Variants in ABCB9 observed in about 807,000 individuals in gnomAD.
ABCB9 encodes ABC-type oligopeptide transporter ABCB9.
Under a neutral mutation model 62.0 loss-of-function variants are expected in ABCB9, and 36 were observed. That is an observed-to-expected ratio of 0.58 (90% CI 0.45 to 0.77). ABCB9 has a LOEUF of 0.77. Among genes scored for constraint, ABCB9 ranks in the 30% least tolerant of loss-of-function variants. The pLI is 0.00. For missense variants in ABCB9, 943 were observed against 1,054.7 expected, an observed-to-expected ratio of 0.89 and a Z score of 1.47; for synonymous variants, 435 against 461.4, an observed-to-expected ratio of 0.94 and a Z score of 0.73.
downstream of ABCB9, chr12:122,924,593 TG>T (rs769746648): frequency 2.1e-6 from 3 of 1,400,270 alleles, no homozygotes; most frequent in Non-Finnish European, 2.8e-6. Context: ...TTCTAGGCAC[TG>T]GGGAATACAG....
exon 12 of ABCB9, chr12:122,921,032 G>T: frequency 1.3e-6 from 2 of 1,535,316 alleles, no homozygotes; most frequent in Non-Finnish European, 1.7e-6. Flanking sequence ...TCTGCAGGCT[G>T]GTCATTCAGA....
rs904842753 is a variant in ABCB9 at position 122,929,482 on chromosome 12, C to G, written c.*429G>C. 3 of 993,132 alleles carry G rather than the reference C, an allele frequency of 3.0e-6. No homozygotes were observed. Among genetic ancestry groups the G allele is most frequent in the Non-Finnish European group, 3.6e-6 (3 of 835,060 alleles). 61.5% of individuals were successfully genotyped at this position (993,132 alleles called of 1,614,324 possible). A position where few individuals can be genotyped will look rare whatever the true frequency, so the allele number is the denominator to read the frequency against. ...AAAGGGGAGAGGCCTAGTCTCTGGA[C>G]ATCCCCCAGGCTACTAAGGAAGGGC... On this transcript the variant is annotated 3_prime_UTR_variant, in exon 12 of 12. Coordinates refer to ENST00000280560, the MANE Select transcript of ABCB9 (RefSeq NM_019625.4). The surrounding 1 kb of genome is among the most constrained non-coding windows in gnomAD (Gnocchi z 6.0).
chr12:122,958,620 C>T (rs2036734746), intron 2 of ABCB9, among the ~76,000 whole-genome samples: 1 of 152,172 alleles, frequency 6.6e-6, no homozygotes, highest in South Asian at 2.1e-4. Context: ...GGGAGGATCA[C>T]TTGAGCCCAG....
At chr12:122,924,430 T>TACCAGCTCAC, downstream of ABCB9, 2 of 312,790 alleles carry the variant, frequency 6.4e-6, no homozygotes, top group Admixed American at 4.3e-5. Context: ...AGTGGCACGA[T>TACCAGCTCAC]CATAGCCCAT....
chr12:122,940,243 C>T lies in ABCB9; in HGVS notation c.1611G>A (p.Leu537=), dbSNP rs767066912. ...TCTTCCCACTGCCCGAGGGCCCCAC[C>T]AGGGCCGTCACCTTGCCGGGGGACA... is the stretch of plus-strand genomic sequence containing the variant. ...FSLSPGKVTA[L]VGPSGSGKSS... The change falls in exon 9 of 12, where the codon CTG becomes CTA. Residue 537 remains leucine, a synonymous_variant. Transcript: ENST00000280560. This position sits in a 1 kb window ranked among gnomAD's most constrained non-coding sequence, Gnocchi z 4.8. 2 of 1,609,732 alleles carry T rather than the reference C, an allele frequency of 1.2e-6. No homozygotes were observed. The highest frequency in any genetic ancestry group is 1.7e-6 in the Non-Finnish European group (2 of 1,177,436).
chr12:122,974,248 C>T (rs1345609101), intron 1 of ABCB9, among the ~76,000 whole-genome samples: 1 of 152,082 alleles, frequency 6.6e-6, no homozygotes, highest in East Asian at 1.9e-4. Flanking sequence ...TGGATCCTTT[C>T]CTAGATAGCA....
downstream of ABCB9, among the ~76,000 whole-genome samples, chr12:122,928,198 G>A (rs1233922087): frequency 2.6e-5 from 4 of 152,158 alleles, no homozygotes; most frequent in African/African-American, 7.2e-5. Flanking sequence ...GGCCAGGCGC[G>A]GTGGCTCACG....
downstream of ABCB9, among the ~76,000 whole-genome samples, chr12:122,925,078 G>A (rs2034855965): frequency 6.6e-6 from 1 of 151,956 alleles, no homozygotes; most frequent in Non-Finnish European, 1.5e-5. Flanking sequence ...CACCATGCCC[G>A]GCTAGCAGTT....
chr12:122,923,441 C>T (rs1012602721), intron 11 of ABCB9, among the ~76,000 whole-genome samples: 1 of 152,190 alleles, frequency 6.6e-6, no homozygotes, highest in African/African-American at 2.4e-5. Flanking sequence ...CACCCGCCAC[C>T]ACGCCCGGCT....
chr12:122,947,563 G>A lies in ABCB9; in HGVS notation c.1053+1061C>T. ...CTGGGTGACTGTGAGGGGGTTGCCT[G>A]TACCTGTCACAGGGTCACAGCCCTG... On this transcript the variant is annotated intron_variant, in intron 5 of 11. Coordinates refer to ENST00000280560, the MANE Select transcript of ABCB9 (RefSeq NM_019625.4). The surrounding 1 kb of genome is among the most constrained non-coding windows in gnomAD (Gnocchi z 6.0). The A allele has an allele frequency of 2.3e-6, 1 of 427,910 alleles. No homozygotes were observed. The highest frequency in any genetic ancestry group is 1.6e-5 in the South Asian group (1 of 60,864). The allele number at this position is 427,910 out of a possible 1,614,324, so 26.5% of individuals were successfully genotyped here.
chr12:122,933,171 C>T (rs1345745793), intron 10 of ABCB9, among the ~76,000 whole-genome samples: 2 of 152,194 alleles, frequency 1.3e-5, no homozygotes, highest in East Asian at 1.9e-4. Flanking sequence ...GGATTACAGA[C>T]GTGAGCCACT....
chr12:122,920,686 C>G (rs57258703), downstream of ABCB9, among the ~76,000 whole-genome samples: 3,833 of 152,044 alleles, frequency 0.025, 152 homozygotes, highest in African/African-American at 0.086. Flanking sequence ...GGGAGGATCA[C>G]TTGAGGTCAG....
rs1484458506 is a variant in ABCB9 at position 122,960,286 on chromosome 12, G to C, written c.-51C>G. 2.5e-6 allele frequency: 4 copies of C among 1,574,794 alleles called. No homozygotes were observed. The highest frequency in any genetic ancestry group is 3.5e-6 in the Non-Finnish European group (4 of 1,159,056). ...CTGAAGGCCAGGTTGTAGCTCACGG[G>C]GGCAAGGCCATCATCATCCACAGGG... On this transcript the variant is annotated 5_prime_UTR_variant, in exon 2 of 12. Coordinates refer to ENST00000280560, the MANE Select transcript of ABCB9 (RefSeq NM_019625.4).
At chr12:122,958,085 G>A (rs1042698700) in intron 2 of ABCB9, among the ~76,000 whole-genome samples, 129 of 142,450 alleles carry the variant, frequency 9.1e-4, no homozygotes, top group African/African-American at 2.9e-3. Flanking sequence ...CAGGAGAATC[G>A]CTTGAACCCA....
chr12:122,950,438 T>C lies in ABCB9; in HGVS notation c.716+13A>G, dbSNP rs751693238. On this transcript the variant is annotated intron_variant, in intron 3 of 11. Coordinates refer to ENST00000280560, the MANE Select transcript of ABCB9 (RefSeq NM_019625.4). ...GGGTGTGCGGGGCAGGGCGTGGGGG[T>C]TGAGCCAGCTACCTGCCAATGGCCA... 3 of 1,604,004 alleles carry C rather than the reference T, an allele frequency of 1.9e-6. No homozygotes were observed. Among genetic ancestry groups the C allele is most frequent in the Non-Finnish European group, 2.5e-6 (3 of 1,176,824 alleles).
At chr12:122,919,239 A>G (rs1477722198), downstream of ABCB9, among the ~76,000 whole-genome samples, 2 of 152,044 alleles carry the variant, frequency 1.3e-5, no homozygotes, top group Non-Finnish European at 2.9e-5. Flanking sequence ...TGGCACCACC[A>G]TGGTTCGTTG....
At chr12:122,949,341 G>A (rs149921944) in intron 4 of ABCB9, 94 of 180,752 alleles carry the variant, frequency 5.2e-4, no homozygotes, top group African/African-American at 2.1e-3. Flanking sequence ...GGTGAAGTTC[G>A]TGAGTGGAGG....
Position 122,944,632 on chromosome 12 carries a change from A to T in ABCB9, c.1252-113T>A. 6.9e-7 allele frequency: 1 copy of T among 1,459,824 alleles called. No homozygotes were observed. Among genetic ancestry groups the T allele is most frequent in the South Asian group, 1.3e-5 (1 of 77,776 alleles). The allele number at this position is 1,459,824 out of a possible 1,614,324, so 90.4% of individuals were successfully genotyped here. The stretch of plus-strand genomic sequence containing the variant: ...GAGGTGAGGGCAGACCCAGCCACAA[A>T]CTGAAATGCCGGCCGTTGGCAGGGG... On this transcript the variant is annotated intron_variant, in intron 6 of 11. Coordinates refer to ENST00000280560, the MANE Select transcript of ABCB9 (RefSeq NM_019625.4). The surrounding 1 kb of genome is among the most constrained non-coding windows in gnomAD (Gnocchi z 4.9).
In ABCB9 at chr12:122,930,097, C is replaced by T; in HGVS notation, c.2115G>A (p.Glu705=). ...CCAGCACCACAATGAGGTGCGCGTG[C>T]TCCACGGTGCTCAGCCGGTGCGCGA... ...LIIAHRLSTV[E]HAHLIVVLDK... Residue 705 remains glutamate (E), a synonymous_variant, in exon 12 of 12, where the codon GAG becomes GAA. Coordinates refer to ENST00000280560, the MANE Select transcript of ABCB9 (RefSeq NM_019625.4). This position sits in a 1 kb window ranked among gnomAD's most constrained non-coding sequence, Gnocchi z 4.9. The T allele has an allele frequency of 6.4e-7, 1 of 1,557,890 alleles. No homozygotes were observed. The highest frequency in any genetic ancestry group is 8.7e-7 in the Non-Finnish European group (1 of 1,150,934).
Sources: allele counts gnomAD v4.1 joint callset (sites outside exome capture counted in the v4.1 genomes callset), GRCh38; gene constraint gnomAD v4.1.1; non-coding constraint Gnocchi (gnomAD v3.1); transcripts MANE v1.5; gene names NCBI Gene and HGNC (gene_info 2026-07-23, HGNC 2026-07-21).